Variants in KLHL29 observed in about 807,000 individuals in gnomAD.
KLHL29 encodes kelch like family member 29, also known as kelch-like protein 29.
KLHL29 carries 21 observed loss-of-function variants against 80.4 expected under a neutral mutation model. That is an observed-to-expected ratio of 0.26 (90% confidence interval 0.19 to 0.38). The LOEUF (loss-of-function observed/expected upper bound fraction) is 0.38, where lower values mean the gene tolerates loss of function less well. Ranked by LOEUF, KLHL29 falls within the 10% of genes least tolerant of loss-of-function variation. The pLI, the probability that KLHL29 is intolerant of heterozygous loss-of-function variation, is 1.00. For missense variants in KLHL29, 867 were observed against 1,223.9 expected, an observed-to-expected ratio of 0.71 and a Z score of 4.35; for synonymous variants, 511 against 526.8, an observed-to-expected ratio of 0.97 and a Z score of 0.41.
At chr2:23,623,377 T>C (rs1435735444) in intron 3 of KLHL29, among the ~76,000 whole-genome samples, 1 of 152,214 alleles carries the variant, frequency 6.6e-6, no homozygotes, top group Non-Finnish European at 1.5e-5. Context: ...GAACAATATG[T>C]TTGCCTGCCC....
chr2:23,580,096 C>T (rs113230250), intron 3 of KLHL29, among the ~76,000 whole-genome samples: 1,958 of 152,330 alleles, frequency 0.013, 38 homozygotes, highest in African/African-American at 0.039. Flanking sequence ...CCAGGCCGGG[C>T]GCGGTGGCTC....
At chr2:23,641,970 T>C (rs1355254779) in intron 4 of KLHL29, among the ~76,000 whole-genome samples, 1 of 151,952 alleles carries the variant, frequency 6.6e-6, no homozygotes, top group Non-Finnish European at 1.5e-5. Context: ...GGTAACAGAG[T>C]GAGACTCTGT....
chr2:23,704,662 G>C (rs1233747858), intron 13 of KLHL29, among the ~76,000 whole-genome samples: 12 of 152,146 alleles, frequency 7.9e-5, no homozygotes, highest in South Asian at 4.1e-4. Context: ...AGCTTCTCAG[G>C]AAGCTGAGGC....
intron 2 of KLHL29, among the ~76,000 whole-genome samples, chr2:23,543,131 C>T (rs1202575813): frequency 3.9e-5 from 6 of 152,160 alleles, no homozygotes; most frequent in African/African-American, 1.4e-4. Context: ...TGCGCCTCAT[C>T]CTCCTCTGCA....
In KLHL29 at chr2:23,623,652, G is replaced by A. The variant is rs185581236; in HGVS notation, c.286-15487G>A. ...GCCCTGTGGGGGCCGGAGTCCCCCC[G>A]CAGTCCAAGAAGGCTGGGGCTGTGT... On this transcript the variant is annotated intron_variant, in intron 3 of 13. Coordinates refer to ENST00000486442, the MANE Select transcript of KLHL29 (RefSeq NM_052920.2). Among the ~76,000 whole-genome samples the A allele has an allele frequency of 4.7e-3, 709 of 152,240 alleles. 3 individuals are homozygous for A. The highest frequency in any genetic ancestry group is 0.015 in the African/African-American group (642 of 41,524).
intron 3 of KLHL29, among the ~76,000 whole-genome samples, chr2:23,603,821 G>A (rs529063748): frequency 4.6e-5 from 7 of 152,358 alleles, no homozygotes; most frequent in Admixed American, 2.6e-4. Flanking sequence ...GGGAAAGGAA[G>A]GCTGCACTCA....
At chr2:23,551,637 A>G (rs956070055) in intron 2 of KLHL29, among the ~76,000 whole-genome samples, 1 of 152,228 alleles carries the variant, frequency 6.6e-6, no homozygotes, top group African/African-American at 2.4e-5. Flanking sequence ...TTTTCCAAAT[A>G]TATATCTGTC....
intron 3 of KLHL29, among the ~76,000 whole-genome samples, chr2:23,572,737 G>T (rs1667745540): frequency 7.0e-6 from 1 of 143,704 alleles, no homozygotes; most frequent in Non-Finnish European, 1.5e-5. Flanking sequence ...GTCTCGCTCT[G>T]TCACCCAGGC....
intron 3 of KLHL29, among the ~76,000 whole-genome samples, chr2:23,613,901 A>T (rs1353773314): frequency 6.6e-6 from 1 of 152,142 alleles, no homozygotes; most frequent in East Asian, 1.9e-4. Flanking sequence ...GGAAAAGTCA[A>T]GTTGGGAACT....
At chr2:23,687,830 C>A (rs150939822) in intron 6 of KLHL29, among the ~76,000 whole-genome samples, 2 of 152,090 alleles carry the variant, frequency 1.3e-5, no homozygotes, top group African/African-American at 2.4e-5. Context: ...GCAGGGGACG[C>A]GGCTGGAGGG....
chr2:23,420,143 T>C (rs1032119166), intron 1 of KLHL29, among the ~76,000 whole-genome samples: 16 of 152,160 alleles, frequency 1.1e-4, no homozygotes, highest in African/African-American at 3.4e-4. Context: ...ACTGTACCTG[T>C]GTCCCCTCCT....
chr2:23,527,163 C>A (rs1231784631), intron 2 of KLHL29, among the ~76,000 whole-genome samples: 1 of 152,182 alleles, frequency 6.6e-6, no homozygotes, highest in African/African-American at 2.4e-5. Context: ...AGACCCTAGA[C>A]ACGGCTCACA....
rs150131401 is a variant in KLHL29, at chr2:23,670,917, G to GCGCGCACA, written c.941-13481_941-13480insGCGCACAC. On this transcript the variant is annotated intron_variant, in intron 5 of 13. Coordinates refer to ENST00000486442, the MANE Select transcript of KLHL29 (RefSeq NM_052920.2). ...GAGGGGTCTCTACACACATGCACGC[G>GCGCGCACA]CTCTCTCTCTCTCTCTCTCTCTCTC... 1.1e-3 allele frequency among the ~76,000 whole-genome samples: 20 copies of GCGCGCACA among 18,568 alleles called. 1 individual carries two copies. The highest frequency in any genetic ancestry group is 1.6e-3 in the African/African-American group (10 of 6,252). The allele number at this position is 18,568 out of a possible 152,430, so 12.2% of individuals were successfully genotyped here. A position where few individuals can be genotyped will look rare whatever the true frequency, so the allele number is the denominator to read the frequency against.
chr2:23,432,816 G>A (rs1431805763), intron 1 of KLHL29, among the ~76,000 whole-genome samples: 1 of 152,254 alleles, frequency 6.6e-6, no homozygotes, highest in Non-Finnish European at 1.5e-5. Context: ...GGTCTAAGAA[G>A]AAGTTGAAGT....
chr2:23,507,262 G>T, intron 2 of KLHL29: 1 of 214,014 alleles, frequency 4.7e-6, no homozygotes, highest in Non-Finnish European at 1.1e-5. Context: ...AAAATAAATA[G>T]CAGGGACTTG....
chr2:23,483,917 A>G (rs887558948), intron 2 of KLHL29, among the ~76,000 whole-genome samples: 4 of 152,170 alleles, frequency 2.6e-5, no homozygotes, highest in Admixed American at 1.3e-4. Context: ...GCAAGTATCA[A>G]TCACATGCCT....
chr2:23,473,904 C>T (rs141847175), intron 1 of KLHL29, among the ~76,000 whole-genome samples: 2 of 152,208 alleles, frequency 1.3e-5, no homozygotes, highest in Non-Finnish European at 2.9e-5. Context: ...CTGGCTGTTC[C>T]CTCTGCCTAG....
chr2:23,441,454 A>G (rs1572515454), intron 1 of KLHL29, among the ~76,000 whole-genome samples: 1 of 152,148 alleles, frequency 6.6e-6, no homozygotes, highest in African/African-American at 2.4e-5. Context: ...CATTGTGCAC[A>G]TGTACCCTAA....
chr2:23,483,600 A>G (rs1055617828), intron 2 of KLHL29, among the ~76,000 whole-genome samples: 5 of 152,210 alleles, frequency 3.3e-5, no homozygotes, highest in African/African-American at 1.2e-4. Flanking sequence ...AAGGCTAAAG[A>G]TAGACGATTT....
Sources: allele counts gnomAD v4.1 joint callset (sites outside exome capture counted in the v4.1 genomes callset), GRCh38; gene constraint gnomAD v4.1.1; transcripts MANE v1.5; gene names NCBI Gene and HGNC (gene_info 2026-07-23, HGNC 2026-07-21).